CYP46A1: variants seen among roughly 807,000 people sequenced by gnomAD.
The protein encoded by CYP46A1 is cytochrome P450 family 46 subfamily A member 1.
Under a neutral mutation model 63.3 loss-of-function variants are expected in CYP46A1, and 20 were observed. The ratio of observed to expected loss-of-function variants is 0.32; its 90% CI spans 0.22 to 0.46. The LOEUF is 0.46. Ranked by LOEUF, CYP46A1 falls within the 20% of genes least tolerant of loss-of-function variation. The probability of loss-of-function intolerance (pLI) is 1.00; values close to 1 mark genes in which losing one functional copy is unlikely to be tolerated. For synonymous variants in CYP46A1, 268 were observed against 273.6 expected (o/e 0.98, Z 0.20); for missense variants, 445 against 670.8 (o/e 0.66, Z 3.72).
intron 1 of CYP46A1, among the ~76,000 whole-genome samples, chr14:99,689,607 C>T (rs574930457): frequency 1.3e-5 from 2 of 152,304 alleles, no homozygotes; most frequent in Non-Finnish European, 2.9e-5. Context: ...TAGATGGTCG[C>T]TCCATCCATT....
At chr14:99,711,466 G>GA (rs1312570423) in intron 7 of CYP46A1, 3 of 151,882 alleles carry the variant, frequency 2.0e-5, no homozygotes, top group African/African-American at 7.2e-5. Context: ...TGATACCACA[G>GA]AAATACAAAG....
rs1036269587 is a variant in CYP46A1, at chr14:99,684,408, C to T, written c.-10C>T. 1 of 1,446,924 alleles carries T rather than the reference C, an allele frequency of 6.9e-7. No individual in the cohort carries two copies. 89.6% of individuals were successfully genotyped at this position (1,446,924 alleles called of 1,614,324 possible). ...CCCGACCCTGGCCTGGCCTGCCCTG[C>T]CCCGGAGCCATGAGCCCCGGGCTGC... On this transcript the variant is annotated 5_prime_UTR_variant, in exon 1 of 15. Coordinates refer to ENST00000261835, the MANE Select transcript of CYP46A1 (RefSeq NM_006668.2).
At chr14:99,690,185 GC>G (rs1237280156) in intron 1 of CYP46A1, among the ~76,000 whole-genome samples, 1 of 152,194 alleles carries the variant, frequency 6.6e-6, no homozygotes, top group Non-Finnish European at 1.5e-5. Context: ...ACCCATTTAT[GC>G]CTGAGGTTGC....
chr14:99,700,408 C>G (rs2056621694), intron 5 of CYP46A1, among the ~76,000 whole-genome samples: 1 of 152,202 alleles, frequency 6.6e-6, no homozygotes. Flanking sequence ...GACCTCATCA[C>G]TCCTTGTCAG....
chr14:99,696,962 C>G (rs923761368), intron 3 of CYP46A1, among the ~76,000 whole-genome samples: 1 of 152,142 alleles, frequency 6.6e-6, no homozygotes, highest in Admixed American at 6.6e-5. Flanking sequence ...TACTTGAGAG[C>G]TAGTTTAGCC....
chr14:99,711,840 A>G (rs2056735076), intron 7 of CYP46A1: 1 of 152,156 alleles, frequency 6.6e-6, no homozygotes, highest in Non-Finnish European at 1.5e-5. Context: ...AAGAAAAACT[A>G]CATGCCAACG....
chr14:99,693,186 T>C (rs1225996409), intron 3 of CYP46A1: 1 of 152,992 alleles, frequency 6.5e-6, no homozygotes, highest in Non-Finnish European at 1.5e-5. Flanking sequence ...TGTGGGGCAA[T>C]TCTCTGCAAT....
chr14:99,722,678 T>TGTGC lies in CYP46A1; in HGVS notation c.1176+613_1176+614insTGCG, dbSNP rs1491237225. On this transcript the variant is annotated intron_variant, in intron 12 of 14. Coordinates refer to ENST00000261835, the MANE Select transcript of CYP46A1 (RefSeq NM_006668.2). The surrounding 1 kb of genome is among the most constrained non-coding windows in gnomAD (Gnocchi z 4.6). ...GTGTGTGTGTGTGTGTGTGTGTGTG[T>TGTGC]GCCTGTGTGCATTCACGCAGTAATA... Among the ~76,000 whole-genome samples, 26 of 150,138 alleles carry TGTGC rather than the reference T, an allele frequency of 1.7e-4. No individual in the cohort carries two copies. Among genetic ancestry groups the TGTGC allele is most frequent in the African/African-American group, 5.7e-4 (23 of 40,136 alleles).
chr14:99,699,241 A>G (rs1465023613), intron 3 of CYP46A1, among the ~76,000 whole-genome samples: 1 of 152,050 alleles, frequency 6.6e-6, no homozygotes, highest in Non-Finnish European at 1.5e-5. Flanking sequence ...CTCTGACTGT[A>G]CGTCCACAGG....
chr14:99,715,085 C>T (rs560052705), intron 7 of CYP46A1, among the ~76,000 whole-genome samples: 7 of 152,238 alleles, frequency 4.6e-5, no homozygotes, highest in African/African-American at 9.6e-5. Context: ...GTGTCAGTAG[C>T]ACAGTGTGTG....
rs769929751 is a variant in CYP46A1 at position 99,691,087 on chromosome 14, T to G, written c.126T>G (p.Leu42=). ...TGTTTCCTGTTTCTTCTAGTTTCCT[T>G]CTAGGACACCTCCCCTGCTTTTGGA... The part of the protein sequence containing the change: ...HIPGPPRPSF[L]LGHLPCFWKK... The change falls in exon 2 of 15, where the codon CTT becomes CTG. Residue 42 remains leucine (L), a synonymous_variant. Coordinates refer to ENST00000261835, the MANE Select transcript of CYP46A1 (RefSeq NM_006668.2). The G allele has an allele frequency of 6.2e-7, 1 of 1,614,130 alleles. No homozygotes were observed. Among genetic ancestry groups the G allele is most frequent in the Non-Finnish European group, 8.5e-7 (1 of 1,180,004 alleles).
chr14:99,727,008 C>T lies in CYP46A1; in HGVS notation c.*281C>T. The T allele has an allele frequency of 2.6e-6, 1 of 389,050 alleles. No homozygotes were observed. Among genetic ancestry groups the T allele is most frequent in the East Asian group, 3.7e-5 (1 of 26,814 alleles). 24.1% of individuals were successfully genotyped at this position (389,050 alleles called of 1,614,324 possible). On this transcript the variant is annotated 3_prime_UTR_variant, in exon 15 of 15. Coordinates refer to ENST00000261835, the MANE Select transcript of CYP46A1 (RefSeq NM_006668.2). ...ACAGGCCACTTGCTCAGACGAGACACCCTAACTCTTGCTCACTCCCTAAAG... is the reference window on the plus strand; with the variant it reads ...ACAGGCCACTTGCTCAGACGAGACATCCTAACTCTTGCTCACTCCCTAAAG...
Position 99,726,641 on chromosome 14 carries a change from C to A in CYP46A1, c.1417C>A (p.Gln473Lys), listed in dbSNP as rs1234985869. The change falls in exon 15 of 15, where the codon CAG (glutamine) becomes AAG (lysine). Residue 473 changes from glutamine (Q) to lysine (K), a missense_variant. This residue lies in a region of CYP46A1 where 85 missense variants were observed against 80.1 expected (regional missense o/e 1.06). Coordinates refer to ENST00000261835, the MANE Select transcript of CYP46A1 (RefSeq NM_006668.2). ...VPGQRFGLQE[Q>K]ATLKPLDPVL... ...CGGGCAGCGCTTCGGGCTGCAGGAG[C>A]AGGCCACACTCAAGCCACTGGACCC... 2 of 1,560,164 alleles carry A rather than the reference C, an allele frequency of 1.3e-6. No homozygotes were observed. Among genetic ancestry groups the A allele is most frequent in the South Asian group, 2.4e-5 (2 of 84,684 alleles).
Position 99,725,373 on chromosome 14 carries a change from C to T in CYP46A1, c.1177-18C>T, listed in dbSNP as rs76927709. ...GAACAACCTGGGAACCAGAGATGAG[C>T]GGACCCTTTGCCCGCAGTTCAGCAC... On this transcript the variant is annotated intron_variant, in intron 12 of 14. Coordinates refer to ENST00000261835, the MANE Select transcript of CYP46A1 (RefSeq NM_006668.2). The surrounding 1 kb of genome is among the most constrained non-coding windows in gnomAD (Gnocchi z 4.2). 0.022 allele frequency: 35,417 copies of T among 1,609,406 alleles called. 484 individuals are homozygous for T. The highest frequency in any genetic ancestry group is 0.027 in the Non-Finnish European group (32,073 of 1,175,848).
rs1056944468 is a variant in CYP46A1, at chr14:99,684,430, C to A, written c.13C>A (p.Leu5Met). ...CTGCCCCGGAGCCATGAGCCCCGGG[C>A]TGCTGCTGCTCGGCAGCGCCGTCCT... MSPG[L>M]LLLGSAVLLA... is the part of the protein sequence containing the mutation. The change falls in exon 1 of 15, where the codon CTG becomes ATG. Residue 5 changes from leucine (L) to methionine (M), a missense_variant. Around this residue, in one of 4 missense-constraint regions of CYP46A1, gnomAD observed 252 missense variants for 383.3 expected, o/e 0.66. Transcript: ENST00000261835. 3.3e-5 allele frequency: 49 copies of A among 1,463,986 alleles called. No homozygotes were observed. The highest frequency in any genetic ancestry group is 4.3e-5 in the Non-Finnish European group (48 of 1,113,294). 90.7% of individuals were successfully genotyped at this position (1,463,986 alleles called of 1,614,324 possible). A position where few individuals can be genotyped will look rare whatever the true frequency, so the allele number is the denominator to read the frequency against.
At position 99,722,209 on chromosome 14, in the gene CYP46A1, G is replaced by C; in HGVS notation, c.1176+143G>C. ...TGGCTGCCCTGGTCTTTCTCATGGA[G>C]TCTCACCATAGCCCTGTGAGGGCTT... On this transcript the variant is annotated intron_variant, in intron 12 of 14. Coordinates refer to ENST00000261835, the MANE Select transcript of CYP46A1 (RefSeq NM_006668.2). This position sits in a 1 kb window ranked among gnomAD's most constrained non-coding sequence, Gnocchi z 4.6. The C allele has an allele frequency of 3.3e-6, 2 of 597,072 alleles. No homozygotes were observed. Among genetic ancestry groups the C allele is most frequent in the Non-Finnish European group, 3.0e-6 (1 of 333,844 alleles). The allele number at this position is 597,072 out of a possible 1,614,324, so 37.0% of individuals were successfully genotyped here.
At position 99,718,305 on chromosome 14, in the gene CYP46A1, C is replaced by T. The variant is rs373936452; in HGVS notation, c.980+179C>T. Among the ~76,000 whole-genome samples, 111 of 152,314 alleles carry T rather than the reference C, an allele frequency of 7.3e-4. 3 individuals carry two copies. The South Asian group carries it at 0.014, about 19-fold the overall frequency. On this transcript the variant is annotated intron_variant, in intron 10 of 14. Coordinates refer to ENST00000261835, the MANE Select transcript of CYP46A1 (RefSeq NM_006668.2). Reference sequence around the variant, plus strand: ...CCCTGCTTTTCCCCTGGAGAACACACCTCCTCCTCCCACTCCTCTTCTAGA... The same window carrying T: ...CCCTGCTTTTCCCCTGGAGAACACATCTCCTCCTCCCACTCCTCTTCTAGA...
rs1038960018 is a variant in CYP46A1, at chr14:99,719,919, G to A, written c.981-1320G>A. Among the ~76,000 whole-genome samples the A allele has an allele frequency of 8.6e-5, 13 of 151,824 alleles. No individual in the cohort carries two copies. The East Asian group carries it at 1.2e-3, about 14-fold the overall frequency. On this transcript the variant is annotated intron_variant, in intron 10 of 14. Transcript: ENST00000261835. ...TGGGACTATAGGTGCACGCCACCAT[G>A]CCTGGCTAATTTTTTTTGTATTTTT...
intron 3 of CYP46A1, among the ~76,000 whole-genome samples, chr14:99,695,201 T>C (rs374690758): frequency 3.2e-4 from 49 of 152,372 alleles, no homozygotes; most frequent in African/African-American, 1.2e-3. Flanking sequence ...ATTTGTTTTA[T>C]GGCCCAGCAT....
Sources: allele counts gnomAD v4.1 joint callset (sites outside exome capture counted in the v4.1 genomes callset), GRCh38; gene constraint gnomAD v4.1.1; regional missense constraint gnomAD v4.1.1; non-coding constraint Gnocchi (gnomAD v3.1); transcripts MANE v1.5; gene names NCBI Gene and HGNC (gene_info 2026-07-23, HGNC 2026-07-21).